Variants in FRYL observed in about 807,000 individuals in gnomAD.
The protein encoded by FRYL is FRY like transcription coactivator, also known as protein furry homolog-like.
In FRYL, 150 loss-of-function variants were observed where a neutral mutation model predicts 351.2. The observed-to-expected ratio is 0.43, with a 90% CI of 0.37 to 0.49. The LOEUF is 0.49. FRYL is among the 20% of genes least tolerant of loss of function. FRYL has a pLI of 0.00. For missense variants in FRYL, 3,036 were observed against 3,619.3 expected (o/e 0.84, Z 4.13); for synonymous variants, 1,153 against 1,257.1 (o/e 0.92, Z 1.75).
At chr4:48,537,670 T>C (rs1161526129) in intron 47 of FRYL, among the ~76,000 whole-genome samples, 1 of 152,158 alleles carries the variant, frequency 6.6e-6, no homozygotes, top group East Asian at 1.9e-4. Flanking sequence ...TAAAAACAAT[T>C]TATGAATCAC....
At chr4:48,766,230 T>A (rs139107270) in intron 1 of FRYL, among the ~76,000 whole-genome samples, 2,927 of 152,196 alleles carry the variant, frequency 0.019, 45 homozygotes, top group Non-Finnish European at 0.031. Flanking sequence ...CTGTTGTGAG[T>A]CTGGTTTGTG....
At chr4:48,613,208 A>G (rs1022660825) in intron 7 of FRYL, among the ~76,000 whole-genome samples, 31 of 152,188 alleles carry the variant, frequency 2.0e-4, no homozygotes, top group African/African-American at 7.0e-4. Context: ...GCATGAAACA[A>G]AGTTTTGACT....
rs1401704515 is a variant in FRYL, at chr4:48,610,696, TATTA to T, written c.412-877_412-874del. 1.0e-3 allele frequency among the ~76,000 whole-genome samples: 149 copies of T among 145,850 alleles called. 1 individual carries two copies. The highest frequency in any genetic ancestry group is 3.6e-3 in the Middle Eastern group (1 of 276). Reference sequence around the variant, plus strand: ...TATTATATTATATATTATATACATATATTATATACATATATATTATATACATATA... The same window carrying T: ...TATTATATTATATATTATATACATATTATACATATATATTATATACATATA... On this transcript the variant is annotated intron_variant, in intron 7 of 63. Transcript: ENST00000358350.
intron 3 of FRYL, among the ~76,000 whole-genome samples, chr4:48,645,473 T>C (rs920619405): frequency 2.0e-5 from 3 of 152,136 alleles, no homozygotes; most frequent in Admixed American, 6.5e-5. Flanking sequence ...AATTAGTAAA[T>C]TGGCAAACAT....
intron 53 of FRYL, among the ~76,000 whole-genome samples, chr4:48,525,105 T>C (rs1199464319): frequency 3.4e-4 from 50 of 146,952 alleles, no homozygotes; most frequent in African/African-American, 1.3e-3. Context: ...GAATAGAAAA[T>C]ATCAGTATGC....
intron 1 of FRYL, among the ~76,000 whole-genome samples, chr4:48,767,453 C>A (rs941814291): frequency 6.6e-5 from 10 of 152,166 alleles, no homozygotes; most frequent in African/African-American, 2.4e-4. Context: ...ATATCATGCA[C>A]ATACACACAC....
At chr4:48,617,148 A>G (rs896155455) in intron 7 of FRYL, among the ~76,000 whole-genome samples, 2 of 152,104 alleles carry the variant, frequency 1.3e-5, no homozygotes, top group Non-Finnish European at 2.9e-5. Context: ...GTATGGGGAT[A>G]ATAGTAACAG....
At chr4:48,575,301 T>C in intron 24 of FRYL, 60 bp from the exon 25 acceptor site, 1 of 1,544,084 alleles carries the variant, frequency 6.5e-7, no homozygotes, top group Non-Finnish European at 8.9e-7. Context: ...AATTAGATAA[T>C]CTGAGATTTC....
intron 2 of FRYL, among the ~76,000 whole-genome samples, chr4:48,690,365 T>C (rs1011485284): frequency 2.0e-5 from 3 of 152,158 alleles, no homozygotes; most frequent in Non-Finnish European, 4.4e-5. Context: ...ATTATCAACA[T>C]GGTTTTCCTA....
intron 24 of FRYL, 127 bp from the exon 25 acceptor site, chr4:48,575,368 C>T: frequency 1.1e-6 from 1 of 938,718 alleles, no homozygotes. Context: ...AATGATACCT[C>T]AAATTTCACC....
intron 3 of FRYL, among the ~76,000 whole-genome samples, chr4:48,641,440 G>A (rs1755298221): frequency 2.0e-5 from 3 of 152,014 alleles, no homozygotes; most frequent in Admixed American, 2.0e-4. Flanking sequence ...GCTGGTAAAT[G>A]GCTCTCTTAA....
chr4:48,601,606 G>A (rs1356029415), intron 13 of FRYL, among the ~76,000 whole-genome samples: 1 of 152,080 alleles, frequency 6.6e-6, no homozygotes, highest in East Asian at 1.9e-4. Flanking sequence ...ACTTAAATGT[G>A]ATTTTAGTGA....
At position 48,540,680 on chromosome 4, in the gene FRYL, C is replaced by A; in HGVS notation, c.5968G>T (p.Val1990Leu). 1 of 1,613,912 alleles carries A rather than the reference C, an allele frequency of 6.2e-7. No homozygotes were observed. The highest frequency in any genetic ancestry group is 8.5e-7 in the Non-Finnish European group (1 of 1,179,858). ...SSLREKGMYD[V>L]QSTTEPTNLM... ...TTGGTAGGCTCAGTAGTGGACTGCA[C>A]GTCATACATTCCTTTCTCTCTTAGA... The change falls in exon 46 of 64, where the codon GTG becomes TTG. Residue 1990 changes from valine to leucine, a missense_variant. Physicochemically the swap from Val to Leu is conservative, Grantham distance 32. Transcript: ENST00000358350.
chr4:48,512,416 G>C, intron 57 of FRYL, 65 bp downstream of exon 57: 1 of 1,308,948 alleles, frequency 7.6e-7, no homozygotes, highest in Non-Finnish European at 1.1e-6. Context: ...GCTGATTTTA[G>C]AAGAAAAACT....
chr4:48,512,112 C>A (rs557777615), intron 57 of FRYL, among the ~76,000 whole-genome samples: 1 of 152,186 alleles, frequency 6.6e-6, no homozygotes, highest in East Asian at 1.9e-4. Flanking sequence ...ACTTTTAGTC[C>A]ATTACTTTAA....
chr4:48,604,742 G>T (rs555721294), intron 11 of FRYL, among the ~76,000 whole-genome samples: 2 of 152,332 alleles, frequency 1.3e-5, no homozygotes, highest in East Asian at 3.9e-4. Context: ...CCAGTTTGCA[G>T]TACTTTATTA....
chr4:48,579,332 A>C (rs1740357415), intron 22 of FRYL, 91 bp from the exon 23 acceptor site: 1 of 1,026,716 alleles, frequency 9.7e-7, no homozygotes, highest in South Asian at 1.7e-5. Flanking sequence ...GTGGTGTATT[A>C]GTAGTTTCTA....
rs1229836070 is a variant in FRYL at position 48,523,107 on chromosome 4, G to T, written c.7318-3C>A. The T allele has an allele frequency of 6.2e-7, 1 of 1,608,034 alleles. No homozygotes were observed. The highest frequency in any genetic ancestry group is 8.5e-7 in the Non-Finnish European group (1 of 1,176,042). ...TTGAAATTGTCCATACTTTCACCCT[G>T]GAAAAGCAAGACACGATTTCTAAAA... is the stretch of plus-strand genomic sequence containing the variant. On this transcript the variant is annotated splice_region_variant and splice_polypyrimidine_tract_variant and intron_variant, in intron 53 of 63. Transcript: ENST00000358350.
Position 48,518,266 on chromosome 4 carries a change from A to G in FRYL, c.7689+2782T>C, listed in dbSNP as rs1438372601. On this transcript the variant is annotated intron_variant, in intron 55 of 63. Coordinates refer to ENST00000358350, the MANE Select transcript of FRYL (RefSeq NM_015030.2). ...ACTGAAAGGAATATAGTCTACTTAA[A>G]ATCCATCTCTAAATTCCATCAGTTC... is the stretch of plus-strand genomic sequence containing the variant. 3.5e-4 allele frequency among the ~76,000 whole-genome samples: 53 copies of G among 152,144 alleles called. 1 individual carries two copies. Among genetic ancestry groups the G allele is most frequent in the Admixed American group, 3.5e-3 (53 of 15,272 alleles).
Sources: allele counts gnomAD v4.1 joint callset (sites outside exome capture counted in the v4.1 genomes callset), GRCh38; gene constraint gnomAD v4.1.1; transcripts MANE v1.5; gene names NCBI Gene and HGNC (gene_info 2026-07-23, HGNC 2026-07-21).